Variants in NALCN observed in about 807,000 individuals in gnomAD.
The protein encoded by NALCN is sodium leak channel NALCN.
A neutral mutation model predicts 225.3 loss-of-function variants in NALCN; 111 were observed. The ratio of observed to expected loss-of-function variants is 0.49; its 90% CI spans 0.42 to 0.58. NALCN has a LOEUF of 0.58. NALCN is among the 20% of genes least tolerant of loss of function. The pLI is 0.00. For synonymous variants in NALCN, 764 were observed against 769.0 expected, an observed-to-expected ratio of 0.99 and a Z score of 0.11; for missense variants, 1,378 against 2,202.4, an observed-to-expected ratio of 0.63 and a Z score of 7.49.
chr13:101,057,605 A>T (rs781290408), intron 43 of NALCN: 12 of 304,180 alleles, frequency 3.9e-5, no homozygotes, highest in Non-Finnish European at 6.8e-5. Flanking sequence ...CTTCAGTTGA[A>T]TACTTTTGCC....
intron 20 of NALCN, among the ~76,000 whole-genome samples, chr13:101,110,161 C>T (rs1280465327): frequency 6.6e-6 from 1 of 152,090 alleles, no homozygotes; most frequent in Non-Finnish European, 1.5e-5. Flanking sequence ...AAAAAGCTTT[C>T]CTGGGAAATA....
At chr13:101,260,635 C>T (rs1438763352) in intron 10 of NALCN, among the ~76,000 whole-genome samples, 1 of 152,088 alleles carries the variant, frequency 6.6e-6, no homozygotes, top group Non-Finnish European at 1.5e-5. Context: ...TGTTGAACAC[C>T]TTTTCATATG....
chr13:101,329,874 A>C (rs1159799848), intron 7 of NALCN, among the ~76,000 whole-genome samples: 1 of 151,858 alleles, frequency 6.6e-6, no homozygotes, highest in East Asian at 1.9e-4. Flanking sequence ...CCCTGTCTCT[A>C]CTAAAAATAT....
At chr13:101,294,970 C>G (rs751563176) in intron 7 of NALCN, among the ~76,000 whole-genome samples, 4 of 152,096 alleles carry the variant, frequency 2.6e-5, no homozygotes, top group African/African-American at 7.2e-5. Context: ...GGTTACAACA[C>G]AAATTCTCAG....
rs1369286800 is a variant in NALCN, at chr13:101,054,000, A to G, written c.*1295T>C. 6.6e-6 allele frequency: 1 copy of G among 151,996 alleles called. No homozygotes were observed. Among genetic ancestry groups the G allele is most frequent in the Non-Finnish European group, 1.5e-5 (1 of 68,030 alleles). 9.4% of individuals were successfully genotyped at this position (151,996 alleles called of 1,614,324 possible). On this transcript the variant is annotated 3_prime_UTR_variant, in exon 44 of 44. Coordinates refer to ENST00000251127, the MANE Select transcript of NALCN (RefSeq NM_052867.4). ...TCTGAGGAATGTTAAATAGAGAAAAATAGATTATAAAACAACCTGGAGGTC... is the reference window on the plus strand; with the variant it reads ...TCTGAGGAATGTTAAATAGAGAAAAGTAGATTATAAAACAACCTGGAGGTC...
chr13:101,399,264 G>T, intron 1 of NALCN, 99 bp from the exon 2 acceptor site: 2 of 705,494 alleles, frequency 2.8e-6, no homozygotes, highest in Non-Finnish European at 4.7e-6. Context: ...AGGCATATAT[G>T]TGTTCTACTC....
chr13:101,184,632 G>T (rs766030138), intron 14 of NALCN, among the ~76,000 whole-genome samples: 4 of 152,136 alleles, frequency 2.6e-5, no homozygotes, highest in Non-Finnish European at 5.9e-5. Context: ...TTGTGATGCA[G>T]ATCATTTTGT....
At chr13:101,335,013 C>T (rs1294461556) in intron 7 of NALCN, among the ~76,000 whole-genome samples, 1 of 152,022 alleles carries the variant, frequency 6.6e-6, no homozygotes, top group Non-Finnish European at 1.5e-5. Context: ...TAAAATACAA[C>T]CATAAAAATG....
chr13:101,214,351 G>C (rs567862622), intron 13 of NALCN, among the ~76,000 whole-genome samples: 1 of 152,050 alleles, frequency 6.6e-6, no homozygotes, highest in Non-Finnish European at 1.5e-5. Context: ...TGTAAATGAT[G>C]AGTTAATGGG....
At chr13:101,415,224 T>TAC (rs1296991952) in intron 1 of NALCN, among the ~76,000 whole-genome samples, 1 of 76,768 alleles carries the variant, frequency 1.3e-5, no homozygotes, top group Non-Finnish European at 2.6e-5. Context: ...TATATATATA[T>TAC]ACATACATAT....
chr13:101,289,286 T>C (rs952149092), intron 9 of NALCN, among the ~76,000 whole-genome samples: 2 of 152,170 alleles, frequency 1.3e-5, no homozygotes, highest in African/African-American at 2.4e-5. Flanking sequence ...TCCAGTTACA[T>C]GTTATATTAT....
intron 17 of NALCN, among the ~76,000 whole-genome samples, chr13:101,139,408 GT>G (rs1162350140): frequency 6.6e-6 from 1 of 152,206 alleles, no homozygotes; most frequent in Non-Finnish European, 1.5e-5. Context: ...AAAGAGAAAG[GT>G]GATTCCCTCT....
At chr13:101,164,893 G>A (rs966178764) in intron 15 of NALCN, among the ~76,000 whole-genome samples, 2 of 152,162 alleles carry the variant, frequency 1.3e-5, no homozygotes, top group African/African-American at 2.4e-5. Flanking sequence ...GACCTCAAAA[G>A]AGTCATCTCT....
At chr13:101,397,109 T>TATATATATAC (rs1169730118) in intron 2 of NALCN, among the ~76,000 whole-genome samples, 297 of 80,724 alleles carry the variant, frequency 3.7e-3, no homozygotes, top group Non-Finnish European at 5.8e-3. Flanking sequence ...TATATATATA[T>TATATATATAC]ACATACACAT....
intron 11 of NALCN, among the ~76,000 whole-genome samples, chr13:101,245,565 A>AC (rs1241712164): frequency 6.6e-6 from 1 of 151,914 alleles, no homozygotes; most frequent in African/African-American, 2.4e-5. Context: ...AGAATTTTCT[A>AC]CCCCCCAACT....
intron 7 of NALCN, among the ~76,000 whole-genome samples, chr13:101,305,809 A>T (rs532249149): frequency 1.3e-5 from 2 of 152,350 alleles, no homozygotes; most frequent in Non-Finnish European, 2.9e-5. Context: ...AAACTCCATG[A>T]AAGCAGCCAC....
chr13:101,180,940 G>A (rs150986262), intron 14 of NALCN: 160 of 419,610 alleles, frequency 3.8e-4, no homozygotes, highest in African/African-American at 2.8e-3. Flanking sequence ...ATTGGAGAGC[G>A]GATGGGAAGG....
At chr13:101,379,868 A>C (rs900670529) in intron 3 of NALCN, among the ~76,000 whole-genome samples, 1 of 152,142 alleles carries the variant, frequency 6.6e-6, no homozygotes. Context: ...AGACCCAACT[A>C]TCCTAACTAT....
chr13:101,136,251 G>A (rs1286556474), intron 17 of NALCN, among the ~76,000 whole-genome samples: 2 of 152,106 alleles, frequency 1.3e-5, no homozygotes, highest in Non-Finnish European at 2.9e-5. Context: ...GCAAAGACCA[G>A]TAAGAAGAAA....
Sources: gnomAD v4.1 joint callset for allele counts (sites outside exome capture counted in the v4.1 genomes callset) on GRCh38, gnomAD v4.1.1 for gene constraint, MANE v1.5 for transcripts, NCBI Gene and HGNC (gene_info 2026-07-23, HGNC 2026-07-21) for gene names.